SDCCAG8: variants seen among roughly 807,000 people sequenced by gnomAD.
SDCCAG8 encodes SHH signaling and ciliogenesis regulator SDCCAG8, also known as serologically defined colon cancer antigen 8.
In SDCCAG8, 74 loss-of-function variants were observed where a neutral mutation model predicts 101.8. The ratio of observed to expected loss-of-function variants is 0.73; its 90% CI spans 0.60 to 0.88. The LOEUF is 0.88. Among genes scored for constraint, SDCCAG8 ranks in the 40% least tolerant of loss-of-function variants. SDCCAG8 has a pLI of 0.00. For missense variants in SDCCAG8, 787 were observed against 822.6 expected (o/e 0.96, Z 0.53); for synonymous variants, 281 against 292.9 (o/e 0.96, Z 0.41).
chr1:243,449,798 C>A (rs1169420650), intron 16 of SDCCAG8, among the ~76,000 whole-genome samples: 1 of 152,126 alleles, frequency 6.6e-6, no homozygotes, highest in Admixed American at 6.5e-5. Context: ...TGGCCTTTTG[C>A]CTAGAGTAGG....
chr1:243,335,753 TACCCA>T (rs2074958466), intron 10 of SDCCAG8, among the ~76,000 whole-genome samples: 5 of 151,682 alleles, frequency 3.3e-5, no homozygotes, highest in Admixed American at 1.3e-4. Context: ...ATAAGCATAG[TACCCA>T]ATAGTTAGTT....
intron 10 of SDCCAG8, among the ~76,000 whole-genome samples, chr1:243,336,567 G>C (rs1490914805): frequency 1.3e-5 from 2 of 152,142 alleles, no homozygotes; most frequent in African/African-American, 4.8e-5. Flanking sequence ...GGAAGAGAGA[G>C]CAGGGGGAAG....
At chr1:243,325,263 CTA>C (rs1219957813) in intron 9 of SDCCAG8, among the ~76,000 whole-genome samples, 3 of 152,146 alleles carry the variant, frequency 2.0e-5, no homozygotes, top group African/African-American at 4.8e-5. Flanking sequence ...GCAAGCAACA[CTA>C]TTGTTCATTA....
intron 16 of SDCCAG8, among the ~76,000 whole-genome samples, chr1:243,456,869 A>G (rs755136507): frequency 1.3e-5 from 2 of 152,222 alleles, no homozygotes; most frequent in Non-Finnish European, 2.9e-5. Context: ...TAGATGCTAT[A>G]TCTTTAATAA....
chr1:243,315,149 A>G (rs1442815605), intron 8 of SDCCAG8, among the ~76,000 whole-genome samples: 5 of 152,234 alleles, frequency 3.3e-5, no homozygotes, highest in Admixed American at 2.0e-4. Context: ...TAAGATGCCT[A>G]TATTGACTTG....
At chr1:243,295,147 T>C (rs866651727) in intron 6 of SDCCAG8, among the ~76,000 whole-genome samples, 2 of 152,184 alleles carry the variant, frequency 1.3e-5, no homozygotes, top group Non-Finnish European at 1.5e-5. Context: ...TTAATACCTA[T>C]AGGATAAAGA....
chr1:243,422,323 T>A (rs1344393407), intron 15 of SDCCAG8, among the ~76,000 whole-genome samples: 1 of 152,226 alleles, frequency 6.6e-6, no homozygotes, highest in African/African-American at 2.4e-5. Flanking sequence ...AATTGTAAAT[T>A]GATCATTAAG....
chr1:243,409,754 G>T (rs778691877), intron 13 of SDCCAG8, among the ~76,000 whole-genome samples: 3 of 152,224 alleles, frequency 2.0e-5, no homozygotes, highest in Non-Finnish European at 4.4e-5. Flanking sequence ...CACTGAATAA[G>T]ATATGAATCC....
intron 1 of SDCCAG8, chr1:243,268,989 G>C (rs1197847021): frequency 6.6e-6 from 1 of 152,462 alleles, no homozygotes; most frequent in Admixed American, 6.6e-5. Flanking sequence ...GGCTGTCAGA[G>C]TGGGGCAGCG....
In SDCCAG8 at chr1:243,474,063, A is replaced by AT. The variant is rs936888314; in HGVS notation, c.1986-14941dup. ...GTATTTCTTTGGCCTATTAGCCAAG[A>AT]TTTTTTTTTTCCTGTTTATTAAAAT... On this transcript the variant is annotated intron_variant, in intron 16 of 17. Coordinates refer to ENST00000366541, the MANE Select transcript of SDCCAG8 (RefSeq NM_006642.5). This position sits in a 1 kb window ranked among gnomAD's most constrained non-coding sequence, Gnocchi z 4.7. Among the ~76,000 whole-genome samples, 99 of 150,456 alleles carry AT rather than the reference A, an allele frequency of 6.6e-4. 1 individual carries two copies. The highest frequency in any genetic ancestry group is 3.0e-3 in the South Asian group (14 of 4,716).
At chr1:243,359,448 A>G (rs781318860) in intron 12 of SDCCAG8, among the ~76,000 whole-genome samples, 4 of 152,140 alleles carry the variant, frequency 2.6e-5, no homozygotes, top group Admixed American at 6.5e-5. Context: ...TAAAGTTGTT[A>G]TTTTAGAAAA....
chr1:243,485,638 G>A (rs139583799), intron 16 of SDCCAG8, among the ~76,000 whole-genome samples: 1 of 152,324 alleles, frequency 6.6e-6, no homozygotes, highest in South Asian at 2.1e-4. Flanking sequence ...AGGCGCGGTG[G>A]CTCATGCCTG....
intron 13 of SDCCAG8, among the ~76,000 whole-genome samples, chr1:243,383,135 C>T (rs1351419570): frequency 1.3e-5 from 2 of 152,008 alleles, no homozygotes; most frequent in Admixed American, 6.6e-5. Context: ...GGAAGAACAG[C>T]CACCAGCCGA....
chr1:243,275,013 C>T (rs1172373923), intron 4 of SDCCAG8, among the ~76,000 whole-genome samples: 6 of 152,344 alleles, frequency 3.9e-5, no homozygotes, highest in African/African-American at 1.4e-4. Context: ...TGTCAACCTA[C>T]TGGAGCAGTG....
At chr1:243,497,808 C>T (rs920506813) in intron 17 of SDCCAG8, among the ~76,000 whole-genome samples, 2 of 152,094 alleles carry the variant, frequency 1.3e-5, no homozygotes, top group Non-Finnish European at 2.9e-5. Flanking sequence ...CCTTTTGAGT[C>T]GCTGGGACTA....
At chr1:243,310,820 T>C (rs1447353668) in intron 8 of SDCCAG8, among the ~76,000 whole-genome samples, 2 of 152,226 alleles carry the variant, frequency 1.3e-5, no homozygotes, top group East Asian at 3.9e-4. Context: ...CAGTGAGCAA[T>C]AAAAGAGGAA....
At chr1:243,352,896 G>T (rs920357456) in intron 12 of SDCCAG8, among the ~76,000 whole-genome samples, 1 of 152,010 alleles carries the variant, frequency 6.6e-6, no homozygotes, top group African/African-American at 2.4e-5. Context: ...TCTTCATAGT[G>T]ATCACTTTAC....
intron 16 of SDCCAG8, among the ~76,000 whole-genome samples, chr1:243,438,776 TG>T (rs2082327019): frequency 6.6e-6 from 1 of 152,236 alleles, no homozygotes. Flanking sequence ...GAGTGGCTCC[TG>T]ATAACTTTCT....
intron 12 of SDCCAG8, among the ~76,000 whole-genome samples, chr1:243,345,816 T>G (rs2075669641): frequency 6.6e-6 from 1 of 152,212 alleles, no homozygotes; most frequent in African/African-American, 2.4e-5. Context: ...CAGTATTAAA[T>G]CTCATTTTAA....
Sources: allele counts gnomAD v4.1 joint callset (sites outside exome capture counted in the v4.1 genomes callset), GRCh38; gene constraint gnomAD v4.1.1; non-coding constraint Gnocchi (gnomAD v3.1); transcripts MANE v1.5; gene names NCBI Gene and HGNC (gene_info 2026-07-23, HGNC 2026-07-21).